TENM1: variants seen among roughly 807,000 people sequenced by gnomAD.
TENM1 encodes teneurin-1.
A neutral mutation model predicts 174.8 loss-of-function variants in TENM1; 35 were observed. The ratio of observed to expected loss-of-function variants is 0.20; its 90% CI spans 0.15 to 0.27. The LOEUF (loss-of-function observed/expected upper bound fraction) is 0.27. TENM1 is among the 10% of genes least tolerant of loss of function. The pLI is 1.00. For synonymous variants in TENM1, 781 were observed against 798.7 expected (o/e 0.98, Z 0.37); for missense variants, 1,633 against 2,130.1 (o/e 0.77, Z 4.59).
At position 124,385,643 on chromosome X, in the gene TENM1, T is replaced by A. The variant is rs750259528; in HGVS notation, c.6076+34A>T. 2.6e-6 allele frequency: 3 copies of A among 1,152,936 alleles called. No individual in the cohort carries two copies. The Admixed American group carries it at 7.1e-5, about 27-fold the overall frequency. ...AAAATGTCATAAGAAAATAGTGATG[T>A]TGTTGTACACACCACCACTCTTTCA... On this transcript the variant is annotated intron_variant, in intron 29 of 31. Transcript: ENST00000422452.
intron 11 of TENM1, among the ~76,000 whole-genome samples, chrX:124,585,981 A>T (rs1180254310): frequency 9.1e-6 from 1 of 110,470 alleles, no homozygotes; most frequent in African/African-American, 3.4e-5. Context: ...CCCAAGACTA[A>T]ACCAGGAAGA....
the TENM1 span, among the ~76,000 whole-genome samples, chrX:125,006,249 G>A: frequency 2.7e-5 from 3 of 111,733 alleles, no homozygotes; most frequent in Non-Finnish European, 5.7e-5. Context: ...AGGAGACTGG[G>A]AGGTTTGGAC....
At chrX:125,021,703 G>A in the TENM1 span, among the ~76,000 whole-genome samples, 2 of 112,201 alleles carry the variant, frequency 1.8e-5, no homozygotes, top group Middle Eastern at 9.3e-3. Flanking sequence ...GTAAATGAAC[G>A]AATGAATGTG....
intron 11 of TENM1, 123 bp downstream of exon 14, chrX:124,641,668 T>C (rs2051020333): frequency 3.3e-6 from 2 of 605,667 alleles, no homozygotes; most frequent in South Asian, 2.7e-5. Context: ...ACCTAGGACA[T>C]ACCTGGAAAC....
chrX:125,042,510 A>G, the TENM1 span, among the ~76,000 whole-genome samples: 1 of 111,203 alleles, frequency 9.0e-6, no homozygotes, highest in Non-Finnish European at 1.9e-5. Flanking sequence ...TCCCCTTAAG[A>G]TAGCTCTCAA....
At position 124,850,175 on chromosome X, in the gene TENM1, A is replaced by C. The variant is rs150281764; in HGVS notation, c.535+44121T>G. On this transcript the variant is annotated intron_variant, in intron 3 of 31. Transcript: ENST00000422452. ...ATATTTTAAATCCCACTTCCCTTTC[A>C]GAAAATACTTCAAAAATATAGTAGA... 9.1e-3 allele frequency among the ~76,000 whole-genome samples: 1,022 copies of C among 111,902 alleles called. 15 individuals are homozygous for C. The highest frequency in any genetic ancestry group is 0.032 in the African/African-American group (974 of 30,823).
At chrX:124,568,289 A>G (rs1259833152) in intron 11 of TENM1, among the ~76,000 whole-genome samples, 2 of 111,271 alleles carry the variant, frequency 1.8e-5, no homozygotes, top group African/African-American at 6.5e-5. Flanking sequence ...TCTTGGCACC[A>G]TTTCAGATGG....
chrX:124,722,959 T>C (rs1276333564), intron 4 of TENM1, among the ~76,000 whole-genome samples: 2 of 110,899 alleles, frequency 1.8e-5, no homozygotes, highest in Non-Finnish European at 3.8e-5. Flanking sequence ...TATGTGATTA[T>C]CACTGCATAT....
At chrX:124,653,754 C>T (rs865870452) in exon 7 of TENM1, 1 of 1,210,946 alleles carries the variant, frequency 8.3e-7, no homozygotes, top group Non-Finnish European at 1.1e-6. Context: ...TCAACTTCTC[C>T]AGTGTCTATC....
chrX:124,691,012 A>G (rs1201944579), intron 5 of TENM1, among the ~76,000 whole-genome samples: 1 of 111,371 alleles, frequency 9.0e-6, no homozygotes, highest in East Asian at 2.8e-4. Context: ...TATATCCCCA[A>G]TTCTAATCCA....
At chrX:125,198,778 A>T in the TENM1 span, among the ~76,000 whole-genome samples, 3 of 110,625 alleles carry the variant, frequency 2.7e-5, no homozygotes, top group Non-Finnish European at 5.7e-5. Context: ...TAGCACAATC[A>T]GTGGAAAATG....
the TENM1 span, among the ~76,000 whole-genome samples, chrX:124,970,989 A>G: frequency 9.2e-6 from 1 of 109,075 alleles, no homozygotes; most frequent in Non-Finnish European, 1.9e-5. Context: ...CTTTGTAGGG[A>G]CATGGATGAA....
At chrX:124,739,896 C>A (rs1340261313) in intron 3 of TENM1, among the ~76,000 whole-genome samples, 2 of 112,251 alleles carry the variant, frequency 1.8e-5, no homozygotes, top group Non-Finnish European at 3.8e-5. Context: ...CAGATAATCA[C>A]CTTCTGTGTT....
the TENM1 span, among the ~76,000 whole-genome samples, chrX:125,167,601 T>G: frequency 1.8e-5 from 2 of 111,257 alleles, no homozygotes; most frequent in Middle Eastern, 4.7e-3. Flanking sequence ...AACTCTGGAT[T>G]TGGTGTGAGA....
chrX:125,065,687 C>G, the TENM1 span, among the ~76,000 whole-genome samples: 3 of 112,074 alleles, frequency 2.7e-5, no homozygotes, highest in African/African-American at 9.7e-5. Context: ...ATTCCACTTT[C>G]CATAAACTTT....
chrX:125,112,659 G>A, the TENM1 span, among the ~76,000 whole-genome samples: 1 of 111,446 alleles, frequency 9.0e-6, no homozygotes, highest in Non-Finnish European at 1.9e-5. Context: ...TTAATTTTAC[G>A]AAAACAGGCT....
chrX:125,098,120 C>T, the TENM1 span, among the ~76,000 whole-genome samples: 14 of 110,833 alleles, frequency 1.3e-4, no homozygotes, highest in African/African-American at 4.3e-4. Context: ...AAAAATTAGC[C>T]GGGCATGGTG....
chrX:125,035,707 T>G, the TENM1 span, among the ~76,000 whole-genome samples: 1 of 111,641 alleles, frequency 9.0e-6, no homozygotes, highest in Non-Finnish European at 1.9e-5. Context: ...GTAAATGACT[T>G]TAGTCTTGTA....
chrX:125,171,130 C>T, the TENM1 span, among the ~76,000 whole-genome samples: 1 of 110,128 alleles, frequency 9.1e-6, no homozygotes, highest in Non-Finnish European at 1.9e-5. Context: ...GCAGTCAGGG[C>T]AAAAATTATT....
Sources: gnomAD v4.1 joint callset for allele counts (sites outside exome capture counted in the v4.1 genomes callset) on GRCh38, gnomAD v4.1.1 for gene constraint, MANE v1.5 for transcripts, NCBI Gene and HGNC (gene_info 2026-07-23, HGNC 2026-07-21) for gene names.